The following AGR2 variants were observed in gnomAD, a reference collection of about 807,000 sequenced individuals.
AGR2 encodes anterior gradient protein 2 homolog.
Under a neutral mutation model 25.9 loss-of-function variants are expected in AGR2, and 27 were observed. That is an observed-to-expected ratio of 1.04 (90% CI 0.77 to 1.44). The LOEUF is 1.44. Among genes scored for constraint, AGR2 ranks in the 40% most tolerant of loss-of-function variants. AGR2 has a pLI of 0.00. For synonymous variants in AGR2, 78 were observed against 72.0 expected, an observed-to-expected ratio of 1.08 and a Z score of -0.42; for missense variants, 182 against 200.9, an observed-to-expected ratio of 0.91 and a Z score of 0.57.
Position 16,794,929 on chromosome 7 carries a change from CACTT to C in AGR2, c.478+3_478+6del, listed in dbSNP as rs752204692. 2.5e-6 allele frequency: 4 copies of C among 1,614,190 alleles called. No individual in the cohort carries two copies. The highest frequency in any genetic ancestry group is 4.5e-5 in the East Asian group (2 of 44,884). The stretch of plus-strand genomic sequence containing the variant: ...TGGGCAACATCCGAATTGAAGGTCA[CACTT>C]ACACAGAGCTGTATCTGCAGGTTCG... On this transcript the variant is annotated splice_donor_5th_base_variant and intron_variant, in intron 7 of 7. Transcript: ENST00000419304.
Position 16,801,727 on chromosome 7 carries a change from T to C in AGR2, c.70A>G (p.Thr24Ala). The change falls in exon 2 of 8, where the codon ACA (threonine) becomes GCA (alanine). Residue 24 changes from threonine (T) to alanine (A), a missense_variant. Physicochemically the swap from Thr to Ala is moderately conservative, Grantham distance 58. Transcript: ENST00000419304. ...TCCTTTTTGGCTCCAGGTTTGACTG[T>C]GGTATCTCTGGCCAGAGTGTAGGAG... is the stretch of plus-strand genomic sequence containing the variant. ...ALSYTLARDTTVKPGAKKDTK... is the reference protein window; with the variant it reads ...ALSYTLARDTAVKPGAKKDTK... The C allele has an allele frequency of 1.2e-6, 2 of 1,613,638 alleles. No individual in the cohort carries two copies. Among genetic ancestry groups the C allele is most frequent in the Non-Finnish European group, 1.7e-6 (2 of 1,179,934 alleles).
intron 7 of AGR2, chr7:16,794,687 T>C (rs1475101471): frequency 1.0e-6 from 1 of 997,800 alleles, no homozygotes; most frequent in Non-Finnish European, 1.4e-6. Context: ...AATGTGGTCA[T>C]AGAATCCTCC....
At chr7:16,795,183 T>G (rs1259781643) in intron 6 of AGR2, among the ~76,000 whole-genome samples, 164 bp from the exon 7 acceptor site, 1 of 152,148 alleles carries the variant, frequency 6.6e-6, no homozygotes, top group Non-Finnish European at 1.5e-5. Flanking sequence ...ACCCAGCCCC[T>G]GGCAGTTAGT....
At chr7:16,798,634 C>T (rs1164210503) in intron 5 of AGR2, among the ~76,000 whole-genome samples, 1 of 152,106 alleles carries the variant, frequency 6.6e-6, no homozygotes, top group Non-Finnish European at 1.5e-5. Flanking sequence ...ATCTTGTAGA[C>T]CAGGAGCCAT....
rs1466315437 is a variant in AGR2, at chr7:16,801,182, AATAATCATCAAGG to A, written c.212_224del (p.Pro71LeufsTer13). 6.2e-7 allele frequency: 1 copy of A among 1,613,828 alleles called. No homozygotes were observed. The highest frequency in any genetic ancestry group is 8.5e-7 in the Non-Finnish European group (1 of 1,179,892). ...TGTGTGGGCACTCATCCAAGTGATG[AATAATCATCAAGG>A]GTTTGTTGCTTTAAAAGACAGAGAT... is the stretch of plus-strand genomic sequence containing the variant. On this transcript the variant is annotated frameshift_variant, in exon 4 of 8. Transcript: ENST00000419304. LOFTEE classifies it high-confidence loss of function.
chr7:16,802,979 C>A (rs58207981), intron 1 of AGR2, among the ~76,000 whole-genome samples: 7 of 151,834 alleles, frequency 4.6e-5, no homozygotes, highest in Non-Finnish European at 7.4e-5. Context: ...GCTACAGGCA[C>A]GTGCCAGCAT....
chr7:16,801,482 AAAG>A (rs775270615), intron 2 of AGR2, 99 bp from the exon 3 acceptor site: 5 of 1,327,474 alleles, frequency 3.8e-6, no homozygotes, highest in Non-Finnish European at 5.3e-6. Flanking sequence ...ACCCTATACT[AAAG>A]AAGAAGAAAA....
At chr7:16,799,943 G>T in intron 4 of AGR2, 126 bp from the exon 5 acceptor site, 1 of 657,538 alleles carries the variant, frequency 1.5e-6, no homozygotes, top group South Asian at 2.2e-5. Context: ...TTCTACTTTG[G>T]CCTTTTAGCA....
At chr7:16,795,359 C>A (rs1442591553) in intron 6 of AGR2, among the ~76,000 whole-genome samples, 1 of 149,312 alleles carries the variant, frequency 6.7e-6, no homozygotes, top group East Asian at 2.0e-4. Flanking sequence ...TTCTCTACTG[C>A]AAAATTATTT....
Position 16,801,134 on chromosome 7 carries a change from T to C in AGR2, c.256+17A>G, listed in dbSNP as rs200998414. The stretch of plus-strand genomic sequence containing the variant: ...TAAAAGCCTATAAAGGAAATCATAC[T>C]TAGAAGAATAAATTACCTTGACTGT... On this transcript the variant is annotated intron_variant, in intron 4 of 7. Transcript: ENST00000419304. The C allele has an allele frequency of 6.6e-5, 106 of 1,609,316 alleles. No individual in the cohort carries two copies. Among genetic ancestry groups the C allele is most frequent in the Middle Eastern group, 1.7e-4 (1 of 6,050 alleles).
rs1433204717 is a variant in AGR2 at position 16,794,957 on chromosome 7, C to A, written c.457G>T (p.Glu153Ter). 6.2e-7 allele frequency: 1 copy of A among 1,614,038 alleles called. No individual in the cohort carries two copies. The highest frequency in any genetic ancestry group is 1.3e-5 in the African/African-American group (1 of 74,922). The change falls in exon 7 of 8, where the codon GAA becomes TAA. Residue 153 changes from glutamate (E) to a stop codon, truncating the protein, a stop_gained. Coordinates refer to ENST00000419304, the MANE Select transcript of AGR2 (RefSeq NM_006408.4). LOFTEE classifies it high-confidence loss of function. ...GRYSNRLYAY[E>*]PADTALLLDN... ...TTACACAGAGCTGTATCTGCAGGTT[C>A]GTAAGCATAGAGACGATTTGAATAT...
At chr7:16,796,006 A>C (rs1785038886) in intron 6 of AGR2, among the ~76,000 whole-genome samples, 1 of 152,230 alleles carries the variant, frequency 6.6e-6, no homozygotes, top group Non-Finnish European at 1.5e-5. Context: ...TTAACCTAAG[A>C]AGGGCTTTTT....
chr7:16,799,747 C>G lies in AGR2; in HGVS notation c.327G>C (p.Leu109=), dbSNP rs749842235. ...TAATGATGAAAAGGAAACTTACAAC[C>G]AGATTGAGGAGGACAAACTGCTCTG... ...KLAEQFVLLN[L]VYETTDKHLS... Residue 109 remains leucine, a synonymous_variant, in exon 5 of 8, where the codon CTG becomes CTC. Coordinates refer to ENST00000419304, the MANE Select transcript of AGR2 (RefSeq NM_006408.4). 6.2e-7 allele frequency: 1 copy of G among 1,610,366 alleles called. No homozygotes were observed. The highest frequency in any genetic ancestry group is 2.2e-5 in the East Asian group (1 of 44,774).
At chr7:16,802,008 A>G (rs572934321) in intron 1 of AGR2, among the ~76,000 whole-genome samples, 193 of 151,390 alleles carry the variant, frequency 1.3e-3, no homozygotes, top group African/African-American at 4.2e-3. Context: ...TAATGTTCCA[A>G]TAAACCCATT....
intron 6 of AGR2, among the ~76,000 whole-genome samples, chr7:16,796,706 T>C (rs1191746459): frequency 1.3e-5 from 2 of 152,208 alleles, no homozygotes; most frequent in African/African-American, 4.8e-5. Context: ...GTGGGAAATA[T>C]TTATTACATA....
intron 7 of AGR2, among the ~76,000 whole-genome samples, chr7:16,794,386 C>T (rs1040218724): frequency 5.3e-5 from 8 of 152,228 alleles, no homozygotes; most frequent in Non-Finnish European, 1.2e-4. Context: ...CAGCTAGCTA[C>T]AGCGTTGCAT....
Position 16,795,106 on chromosome 7 carries a change from T to A in AGR2, c.395-87A>T, listed in dbSNP as rs941947480. On this transcript the variant is annotated intron_variant, in intron 6 of 7. Coordinates refer to ENST00000419304, the MANE Select transcript of AGR2 (RefSeq NM_006408.4). Reference sequence around the variant, plus strand: ...TTGCCCCGGGGAGCTGAAGTTCATGTATTCATGTCCTGTGAGGGAATGGAG... The same window carrying A: ...TTGCCCCGGGGAGCTGAAGTTCATGAATTCATGTCCTGTGAGGGAATGGAG... The A allele has an allele frequency of 4.7e-5, 66 of 1,396,146 alleles. No homozygotes were observed. In the African/African-American group the frequency reaches 8.7e-4, roughly 18 times the overall value. 86.5% of individuals were successfully genotyped at this position (1,396,146 alleles called of 1,614,324 possible).
In AGR2 at chr7:16,801,400, C is replaced by A; in HGVS notation, c.140-17G>T. The A allele has an allele frequency of 6.2e-7, 1 of 1,608,802 alleles. No individual in the cohort carries two copies. Among genetic ancestry groups the A allele is most frequent in the Non-Finnish European group, 8.5e-7 (1 of 1,175,950 alleles). On this transcript the variant is annotated splice_polypyrimidine_tract_variant and intron_variant, in intron 2 of 7. Transcript: ENST00000419304. ...CACCCCAACCTAGAATGAAATGAATCAGTATATTTGAAGCTTGTATAAATT... is the reference window on the plus strand; with the variant it reads ...CACCCCAACCTAGAATGAAATGAATAAGTATATTTGAAGCTTGTATAAATT...
At chr7:16,800,685 A>G (rs1370972736) in intron 4 of AGR2, among the ~76,000 whole-genome samples, 1 of 152,124 alleles carries the variant, frequency 6.6e-6, no homozygotes, top group East Asian at 1.9e-4. Context: ...CATGGAGGCA[A>G]TAGGAAGTGG....
Sources: allele counts gnomAD v4.1 joint callset (sites outside exome capture counted in the v4.1 genomes callset), GRCh38; gene constraint gnomAD v4.1.1; transcripts MANE v1.5; gene names NCBI Gene and HGNC (gene_info 2026-07-23, HGNC 2026-07-21).